Variants in BCL7A observed in about 807,000 individuals in gnomAD.
BCL7A encodes the protein BAF chromatin remodeling complex subunit BCL7A, also known as B-cell CLL/lymphoma 7 protein family member A.
In BCL7A, 11 loss-of-function variants were observed where a neutral mutation model predicts 28.4. The ratio of observed to expected loss-of-function variants is 0.39; its 90% CI spans 0.24 to 0.64. BCL7A has a LOEUF of 0.64. Among genes scored for constraint, BCL7A ranks in the 30% least tolerant of loss-of-function variants. The pLI is 0.50. For missense variants in BCL7A, 222 were observed against 274.8 expected (o/e 0.81, Z 1.36); for synonymous variants, 123 against 103.3 (o/e 1.19, Z -1.15).
intron 4 of BCL7A, among the ~76,000 whole-genome samples, chr12:122,049,242 A>G (rs1391063285): frequency 6.8e-6 from 1 of 147,924 alleles, no homozygotes; most frequent in East Asian, 2.0e-4. Context: ...AAAAAAAAAA[A>G]GAGAAGAAAA....
At chr12:122,025,336 A>C (rs1883598451) in intron 1 of BCL7A, among the ~76,000 whole-genome samples, 1 of 152,142 alleles carries the variant, frequency 6.6e-6, no homozygotes, top group Admixed American at 6.5e-5. Flanking sequence ...AAGAAAAAGA[A>C]AAAAAAGAGC....
chr12:122,046,789 AC>A (rs933945993), intron 4 of BCL7A, among the ~76,000 whole-genome samples: 1 of 151,848 alleles, frequency 6.6e-6, no homozygotes, highest in African/African-American at 2.4e-5. Context: ...AGCAGAAGAG[AC>A]CCTTCCCTGT....
At chr12:122,022,875 G>A (rs1468911121) in intron 1 of BCL7A, among the ~76,000 whole-genome samples, 1 of 151,346 alleles carries the variant, frequency 6.6e-6, no homozygotes, top group African/African-American at 2.4e-5. Flanking sequence ...GGGCGCCCAC[G>A]TCCCACCCCG....
chr12:122,025,960 A>AG (rs1371812574), intron 1 of BCL7A, among the ~76,000 whole-genome samples: 1 of 150,272 alleles, frequency 6.7e-6, no homozygotes, highest in Admixed American at 6.6e-5. Context: ...AAAAAAAAAA[A>AG]AAAAAAAAGA....
chr12:122,052,869 G>GGC (rs1491483732), intron 4 of BCL7A, among the ~76,000 whole-genome samples: 1 of 2,982 alleles, frequency 3.4e-4, no homozygotes, highest in South Asian at 0.012. Context: ...TTTTTTAGTC[G>GGC]GGGGGGGGGG....
Position 122,029,853 on chromosome 12 carries a change from T to A in BCL7A, c.93-847T>A, listed in dbSNP as rs1320261094. On this transcript the variant is annotated intron_variant, in intron 1 of 5. Coordinates refer to ENST00000261822, the MANE Select transcript of BCL7A (RefSeq NM_001024808.3). This position sits in a 1 kb window ranked among gnomAD's most constrained non-coding sequence, Gnocchi z 4.3. ...AGGAGGTGGCTGGCTGTAGCAATAA[T>A]CGGAAAAATGACAGTGGCTCGGAGC... Among the ~76,000 whole-genome samples, 1 of 151,626 alleles carries A rather than the reference T, an allele frequency of 6.6e-6. No individual in the cohort carries two copies. The highest frequency in any genetic ancestry group is 1.5e-5 in the Non-Finnish European group (1 of 67,910).
At chr12:122,050,228 G>A (rs985744378) in intron 4 of BCL7A, among the ~76,000 whole-genome samples, 2 of 151,372 alleles carry the variant, frequency 1.3e-5, no homozygotes, top group Non-Finnish European at 2.9e-5. Context: ...TGATCCACCC[G>A]CCTCAGCCTC....
intron 1 of BCL7A, among the ~76,000 whole-genome samples, chr12:122,027,179 A>C (rs1241587772): frequency 6.6e-6 from 1 of 152,238 alleles, no homozygotes; most frequent in Non-Finnish European, 1.5e-5. Flanking sequence ...CAGAGAGCCC[A>C]TCTGGGGCAA....
chr12:122,050,626 A>G (rs1884173375), intron 4 of BCL7A, among the ~76,000 whole-genome samples: 1 of 152,166 alleles, frequency 6.6e-6, no homozygotes, highest in Non-Finnish European at 1.5e-5. Context: ...GGGCCTGGGC[A>G]GGAACATCAC....
chr12:122,055,478 A>C (rs7137049), intron 5 of BCL7A, among the ~76,000 whole-genome samples: 64,104 of 152,016 alleles, frequency 0.42, 13,999 homozygotes, highest in Middle Eastern at 0.59. Flanking sequence ...CCAGCTCCCA[A>C]AATGGGATCA....
At chr12:122,022,648 C>T (rs1330284911) in intron 1 of BCL7A, among the ~76,000 whole-genome samples, 1 of 145,850 alleles carries the variant, frequency 6.9e-6, no homozygotes, top group Non-Finnish European at 1.5e-5. Context: ...CCGCCGCCGT[C>T]TCCTCCCCGC....
Position 122,061,620 on chromosome 12 carries a change from C to G in BCL7A, c.*2457C>G, listed in dbSNP as rs961060019. On this transcript the variant is annotated 3_prime_UTR_variant, in exon 6 of 6. Transcript: ENST00000261822. ...GAATCTAAGACCTTTCAGCTTCGAG[C>G]CAGGGGGCGGGGGATCCCGAGCAAA... 6.3e-6 allele frequency: 1 copy of G among 159,464 alleles called. No individual in the cohort carries two copies. The highest frequency in any genetic ancestry group is 2.5e-5 in the African/African-American group (1 of 40,306). The allele number at this position is 159,464 out of a possible 1,614,324, so 9.9% of individuals were successfully genotyped here. A position where few individuals can be genotyped will look rare whatever the true frequency, so the allele number is the denominator to read the frequency against.
intron 1 of BCL7A, among the ~76,000 whole-genome samples, chr12:122,024,325 C>T (rs1883562244): frequency 6.6e-6 from 1 of 152,206 alleles, no homozygotes; most frequent in Non-Finnish European, 1.5e-5. Context: ...GCTTGGCTTC[C>T]AGGTCCCCTC....
At chr12:122,033,750 C>A (rs1883789673) in intron 2 of BCL7A, among the ~76,000 whole-genome samples, 2 of 152,212 alleles carry the variant, frequency 1.3e-5, no homozygotes, top group Non-Finnish European at 2.9e-5. Context: ...AGCCACCATG[C>A]CTGGCCAGAA....
At chr12:122,022,995 T>A in intron 1 of BCL7A, among the ~76,000 whole-genome samples, 1 of 152,266 alleles carries the variant, frequency 6.6e-6, no homozygotes, top group African/African-American at 2.4e-5. Flanking sequence ...GTGTTTGTTT[T>A]GCGGAGGGAG....
At position 122,045,253 on chromosome 12, in the gene BCL7A, T is replaced by C. The variant is rs564451562; in HGVS notation, c.439+1200T>C. Among the ~76,000 whole-genome samples the C allele has an allele frequency of 8.5e-5, 13 of 152,244 alleles. No homozygotes were observed. The East Asian group carries it at 2.3e-3, about 27-fold the overall frequency. On this transcript the variant is annotated intron_variant, in intron 4 of 5. Coordinates refer to ENST00000261822, the MANE Select transcript of BCL7A (RefSeq NM_001024808.3). Reference sequence around the variant, plus strand: ...AAAATTAGCAGAGTGTGGTGGCATGTGCCTGTAATTCCAGCTAGTCAGGAG... The same window carrying C: ...AAAATTAGCAGAGTGTGGTGGCATGCGCCTGTAATTCCAGCTAGTCAGGAG...
At chr12:122,036,488 C>CTG (rs1389360090) in intron 3 of BCL7A, among the ~76,000 whole-genome samples, 1 of 152,166 alleles carries the variant, frequency 6.6e-6, no homozygotes, top group Non-Finnish European at 1.5e-5. Context: ...CCATTGTTTC[C>CTG]TGTTGGCGGT....
intron 1 of BCL7A, among the ~76,000 whole-genome samples, chr12:122,030,018 C>T (rs982505845): frequency 2.0e-5 from 3 of 152,268 alleles, no homozygotes; most frequent in Middle Eastern, 3.4e-3. Context: ...GTCCTTCAGG[C>T]GTTTGTAATG....
intron 1 of BCL7A, among the ~76,000 whole-genome samples, chr12:122,022,777 A>G (rs1883496734): frequency 6.6e-6 from 1 of 151,106 alleles, no homozygotes; most frequent in African/African-American, 2.4e-5. Context: ...AGCCGTTTAA[A>G]TTTAGCGCTT....
Sources: allele counts gnomAD v4.1 joint callset (sites outside exome capture counted in the v4.1 genomes callset), GRCh38; gene constraint gnomAD v4.1.1; non-coding constraint Gnocchi (gnomAD v3.1); transcripts MANE v1.5; gene names NCBI Gene and HGNC (gene_info 2026-07-23, HGNC 2026-07-21).